Variants in PAN3 observed in about 807,000 individuals in gnomAD.
PAN3 encodes the protein PAN2-PAN3 deadenylation complex subunit PAN3.
A neutral mutation model predicts 96.2 loss-of-function variants in PAN3; 19 were observed. That is an observed-to-expected ratio of 0.20 (90% CI 0.14 to 0.29). PAN3 has a LOEUF of 0.29. PAN3 is among the 10% of genes least tolerant of loss of function. The probability of loss-of-function intolerance (pLI) is 1.00; values close to 1 mark genes in which losing one functional copy is unlikely to be tolerated. For missense variants in PAN3, 882 were observed against 1,108.1 expected (o/e 0.80, Z 2.90); for synonymous variants, 433 against 406.6 (o/e 1.06, Z -0.78).
intron 4 of PAN3, among the ~76,000 whole-genome samples, chr13:28,183,304 A>G (rs1876041020): frequency 1.3e-5 from 2 of 152,218 alleles, no homozygotes; most frequent in Admixed American, 1.3e-4. Context: ...CTTGGTATTT[A>G]GATTTCCAGT....
intron 1 of PAN3, among the ~76,000 whole-genome samples, chr13:28,155,264 A>T (rs993952515): frequency 6.6e-6 from 1 of 152,110 alleles, no homozygotes; most frequent in Non-Finnish European, 1.5e-5. Flanking sequence ...TATATTTAAC[A>T]TTTTTGTGCT....
At chr13:28,165,468 A>G (rs2138051484) in intron 1 of PAN3, among the ~76,000 whole-genome samples, 1 of 152,128 alleles carries the variant, frequency 6.6e-6, no homozygotes, top group South Asian at 2.1e-4. Context: ...TAGTAGCAAG[A>G]TCACTTTTAT....
intron 5 of PAN3, among the ~76,000 whole-genome samples, chr13:28,201,029 G>GTC (rs976321660): frequency 2.0e-5 from 3 of 150,778 alleles, no homozygotes; most frequent in Admixed American, 6.6e-5. Context: ...AACTCTCTCT[G>GTC]TCTCTCTCTC....
At chr13:28,215,435 G>A (rs1445217579) in intron 5 of PAN3, 2 of 704,084 alleles carry the variant, frequency 2.8e-6, no homozygotes, top group Admixed American at 4.1e-5. Context: ...GACATTATGG[G>A]CTTCAATGTT....
chr13:28,276,538 T>A (rs1475498459), intron 14 of PAN3, among the ~76,000 whole-genome samples: 1 of 152,168 alleles, frequency 6.6e-6, no homozygotes, highest in African/African-American at 2.4e-5. Context: ...AGCCTCAGAA[T>A]GGTAAATCTT....
At chr13:28,239,592 C>A (rs2138492837) in intron 6 of PAN3, 1 of 1,288,416 alleles carries the variant, frequency 7.8e-7, no homozygotes, top group South Asian at 1.2e-5. Flanking sequence ...ACAAGCTACC[C>A]TCTGAGTCAG....
At chr13:28,286,052 C>T (rs1264127680) in intron 17 of PAN3, among the ~76,000 whole-genome samples, 1 of 152,130 alleles carries the variant, frequency 6.6e-6, no homozygotes, top group African/African-American at 2.4e-5. Flanking sequence ...AATGGGAAGC[C>T]TTTGTGAGGG....
intron 9 of PAN3, among the ~76,000 whole-genome samples, chr13:28,264,778 T>C (rs1886023214): frequency 6.6e-6 from 1 of 152,152 alleles, no homozygotes; most frequent in Admixed American, 6.5e-5. Flanking sequence ...CTTGTTAGAA[T>C]TGTGAGTTCT....
chr13:28,147,087 T>G (rs776466957), intron 1 of PAN3, among the ~76,000 whole-genome samples: 1 of 152,248 alleles, frequency 6.6e-6, no homozygotes, highest in African/African-American at 2.4e-5. Context: ...ACCAAAACAT[T>G]GTTACCAACA....
chr13:28,177,834 T>G, intron 3 of PAN3, 31 bp from the exon 4 acceptor site: 1 of 1,572,632 alleles, frequency 6.4e-7, no homozygotes, highest in Non-Finnish European at 8.7e-7. Context: ...CCAAGTTTTA[T>G]GTGTGGAAAC....
At chr13:28,269,273 T>G (rs1219066065) in intron 12 of PAN3, among the ~76,000 whole-genome samples, 1 of 152,146 alleles carries the variant, frequency 6.6e-6, no homozygotes, top group Non-Finnish European at 1.5e-5. Flanking sequence ...TTCCAGTAAT[T>G]TTTTAATCAT....
At chr13:28,211,086 A>C (rs1470662753) in intron 5 of PAN3, among the ~76,000 whole-genome samples, 1 of 151,288 alleles carries the variant, frequency 6.6e-6, no homozygotes, top group Non-Finnish European at 1.5e-5. Context: ...TTTTTTGTAG[A>C]GAGAGTGTCT....
At chr13:28,220,001 T>G (rs1259462491) in intron 5 of PAN3, among the ~76,000 whole-genome samples, 2 of 152,206 alleles carry the variant, frequency 1.3e-5, no homozygotes, top group African/African-American at 4.8e-5. Context: ...TACACATTAC[T>G]GAGGTTAAAA....
In PAN3 at chr13:28,139,217, G is replaced by A. The variant is rs938658371; in HGVS notation, c.430+130G>A. ...CCTCACCTCCCAAGGCGGTCTGAGA[G>A]GCCTAGGCCGGGCCTGAGCCCTCCT... On this transcript the variant is annotated intron_variant, in intron 1 of 18. Coordinates refer to ENST00000380958, the MANE Select transcript of PAN3 (RefSeq NM_175854.8). 3 of 1,059,306 alleles carry A rather than the reference G, an allele frequency of 2.8e-6. No homozygotes were observed. The African/African-American group carries it at 4.9e-5, about 17-fold the overall frequency. 65.6% of individuals were successfully genotyped at this position (1,059,306 alleles called of 1,614,324 possible).
rs78978165 is a variant in PAN3, at chr13:28,144,520, C to T, written c.430+5433C>T. Among the ~76,000 whole-genome samples, 1,344 of 151,386 alleles carry T rather than the reference C, an allele frequency of 8.9e-3. 18 individuals are homozygous for T. The highest frequency in any genetic ancestry group is 0.031 in the African/African-American group (1,267 of 41,306). The stretch of plus-strand genomic sequence containing the variant: ...GTGAGCCACTGGGCCCGGCCGGTTT[C>T]GATAAGTTTTATGAGGAAAACTCGA... On this transcript the variant is annotated intron_variant, in intron 1 of 18. Coordinates refer to ENST00000380958, the MANE Select transcript of PAN3 (RefSeq NM_175854.8).
At chr13:28,246,316 T>G (rs919492587) in intron 6 of PAN3, among the ~76,000 whole-genome samples, 11 of 152,192 alleles carry the variant, frequency 7.2e-5, no homozygotes, top group Admixed American at 7.2e-4. Flanking sequence ...TTTTTTAAAT[T>G]GATACATAAT....
At chr13:28,164,475 C>T (rs1470772518) in intron 1 of PAN3, among the ~76,000 whole-genome samples, 4 of 152,232 alleles carry the variant, frequency 2.6e-5, no homozygotes, top group African/African-American at 4.8e-5. Context: ...AGCATCTTCT[C>T]TGTAATGCCC....
chr13:28,236,843 C>T (rs1156929662), intron 6 of PAN3, among the ~76,000 whole-genome samples: 3 of 152,114 alleles, frequency 2.0e-5, no homozygotes, highest in Non-Finnish European at 2.9e-5. Flanking sequence ...TGGACTCAAG[C>T]GATCCTCCTG....
At chr13:28,238,908 AT>A (rs531348311) in intron 6 of PAN3, among the ~76,000 whole-genome samples, 2 of 150,564 alleles carry the variant, frequency 1.3e-5, no homozygotes, top group African/African-American at 4.9e-5. Context: ...ATGCATGTTG[AT>A]TTTTTTTTGG....
Sources: allele counts gnomAD v4.1 joint callset (sites outside exome capture counted in the v4.1 genomes callset), GRCh38; gene constraint gnomAD v4.1.1; transcripts MANE v1.5; gene names NCBI Gene and HGNC (gene_info 2026-07-23, HGNC 2026-07-21).